SDK1: variants seen among roughly 807,000 people sequenced by gnomAD.
SDK1 encodes protein sidekick-1.
SDK1 carries 157 observed loss-of-function variants against 245.5 expected under a neutral mutation model. The observed-to-expected ratio is 0.64, with a 90% CI of 0.56 to 0.73. The LOEUF is 0.73. SDK1 is among the 30% of genes least tolerant of loss of function. The pLI, the probability that SDK1 is intolerant of heterozygous loss-of-function variation, is 0.00. For missense variants in SDK1, 3,583 were observed against 3,002.3 expected (o/e 1.19, Z -4.52); for synonymous variants, 1,647 against 1,278.5 (o/e 1.29, Z -6.15).
chr7:4,237,259 C>G (rs1786228975), intron 41 of SDK1, among the ~76,000 whole-genome samples: 2 of 151,848 alleles, frequency 1.3e-5, no homozygotes, highest in South Asian at 2.1e-4. Context: ...CTACATTGCA[C>G]TGGATCAGGC....
intron 4 of SDK1, among the ~76,000 whole-genome samples, chr7:3,657,169 G>T (rs948808707): frequency 6.6e-6 from 1 of 152,184 alleles, no homozygotes; most frequent in Non-Finnish European, 1.5e-5. Context: ...GAGTCACAGG[G>T]TGTGTGTCCC....
chr7:3,655,835 T>C (rs924021147), intron 4 of SDK1, among the ~76,000 whole-genome samples: 1 of 152,026 alleles, frequency 6.6e-6, no homozygotes, highest in Non-Finnish European at 1.5e-5. Context: ...ACGTGGTCGC[T>C]GTGTGACCTT....
chr7:3,460,271 G>C (rs1251288767), intron 1 of SDK1, among the ~76,000 whole-genome samples: 1 of 152,174 alleles, frequency 6.6e-6, no homozygotes, highest in Non-Finnish European at 1.5e-5. Flanking sequence ...TGGGATGATT[G>C]ATTAATTTAT....
chr7:4,071,917 T>C, intron 20 of SDK1, among the ~76,000 whole-genome samples: 1 of 152,208 alleles, frequency 6.6e-6, no homozygotes, highest in East Asian at 1.9e-4. Context: ...ATTCCCTTTT[T>C]ACAGATACAC....
At chr7:3,652,103 G>A (rs904609150) in intron 4 of SDK1, among the ~76,000 whole-genome samples, 5 of 152,308 alleles carry the variant, frequency 3.3e-5, no homozygotes, top group Middle Eastern at 3.4e-3. Flanking sequence ...TAATTGGAGT[G>A]TTTAAATATT....
intron 44 of SDK1, among the ~76,000 whole-genome samples, chr7:4,257,935 A>G (rs948494023): frequency 1.3e-5 from 2 of 150,598 alleles, no homozygotes; most frequent in African/African-American, 5.0e-5. Context: ...TAGCCTATCC[A>G]TGTGGTGGGG....
chr7:3,794,199 G>C (rs1182101319), intron 4 of SDK1, among the ~76,000 whole-genome samples: 1 of 152,120 alleles, frequency 6.6e-6, no homozygotes, highest in Non-Finnish European at 1.5e-5. Context: ...GACATACCCA[G>C]CTGACCCCTT....
chr7:3,774,953 A>C (rs915097101), intron 4 of SDK1, among the ~76,000 whole-genome samples: 6 of 152,144 alleles, frequency 3.9e-5, no homozygotes, highest in Non-Finnish European at 7.4e-5. Flanking sequence ...CCTCTGTGGA[A>C]GGTGCGTCTG....
chr7:3,581,536 A>C (rs1269316336), intron 1 of SDK1, among the ~76,000 whole-genome samples: 1 of 152,176 alleles, frequency 6.6e-6, no homozygotes, highest in Non-Finnish European at 1.5e-5. Flanking sequence ...GAGCACTTAC[A>C]CACCGTTGTG....
chr7:3,959,077 C>T (rs559554023), intron 8 of SDK1, 63 bp downstream of exon 8: 3 of 1,247,900 alleles, frequency 2.4e-6, no homozygotes, highest in East Asian at 2.3e-5. Context: ...CAACCTTTTT[C>T]CATAGCAGAA....
intron 1 of SDK1, among the ~76,000 whole-genome samples, chr7:3,600,722 G>A (rs1296278157): frequency 1.3e-5 from 2 of 151,718 alleles, no homozygotes; most frequent in African/African-American, 4.8e-5. Context: ...TTAATTTTTT[G>A]TATTTTTAGT....
chr7:3,604,763 A>G (rs1781369198), intron 1 of SDK1, among the ~76,000 whole-genome samples: 2 of 151,448 alleles, frequency 1.3e-5, no homozygotes, highest in Non-Finnish European at 2.9e-5. Flanking sequence ...TCACTACGGC[A>G]GGCTAATTTT....
chr7:3,880,808 G>A (rs896528829), intron 5 of SDK1, among the ~76,000 whole-genome samples: 3 of 152,052 alleles, frequency 2.0e-5, no homozygotes. Context: ...CAGCTTTGCC[G>A]GCTGTGGTTA....
chr7:3,424,301 G>C (rs1341076848), intron 1 of SDK1, among the ~76,000 whole-genome samples: 2 of 152,156 alleles, frequency 1.3e-5, no homozygotes, highest in African/African-American at 2.4e-5. Flanking sequence ...GTGATAATCA[G>C]AATAGCTTGA....
intron 1 of SDK1, among the ~76,000 whole-genome samples, chr7:3,610,555 A>G (rs1222754341): frequency 6.6e-6 from 1 of 152,216 alleles, no homozygotes; most frequent in African/African-American, 2.4e-5. Context: ...ACTGTGTCTT[A>G]TTAATTTATA....
chr7:3,479,638 G>A (rs1165864004), intron 1 of SDK1, among the ~76,000 whole-genome samples: 1 of 151,720 alleles, frequency 6.6e-6, no homozygotes, highest in Non-Finnish European at 1.5e-5. Context: ...TCGAGGTGGG[G>A]GGATCATGAG....
chr7:3,602,140 G>A (rs565354034), intron 1 of SDK1, among the ~76,000 whole-genome samples: 8 of 151,982 alleles, frequency 5.3e-5, no homozygotes, highest in Admixed American at 3.9e-4. Flanking sequence ...ATAAACATAC[G>A]TGTGCATGTG....
chr7:3,532,634 T>G (rs1583132758), intron 1 of SDK1, among the ~76,000 whole-genome samples: 1 of 152,198 alleles, frequency 6.6e-6, no homozygotes, highest in Non-Finnish European at 1.5e-5. Flanking sequence ...AGGTCATTAT[T>G]AGGAACATAG....
chr7:3,788,290 C>G (rs1780969879), intron 4 of SDK1, among the ~76,000 whole-genome samples: 1 of 152,176 alleles, frequency 6.6e-6, no homozygotes, highest in Non-Finnish European at 1.5e-5. Flanking sequence ...CTGGTCTCAC[C>G]TTGTGTCTCC....
Sources: allele counts gnomAD v4.1 joint callset (sites outside exome capture counted in the v4.1 genomes callset), GRCh38; gene constraint gnomAD v4.1.1; transcripts MANE v1.5; gene names NCBI Gene and HGNC (gene_info 2026-07-23, HGNC 2026-07-21).